The following NAPA variants were observed in gnomAD, a reference collection of about 807,000 sequenced individuals.
The protein encoded by NAPA is NSF attachment protein alpha.
In NAPA, 18 loss-of-function variants were observed where a neutral mutation model predicts 48.0. The observed-to-expected ratio is 0.38, with a 90% CI of 0.26 to 0.56. The LOEUF is 0.56. Ranked by LOEUF, NAPA falls within the 20% of genes least tolerant of loss-of-function variation. The pLI, the probability that NAPA is intolerant of heterozygous loss-of-function variation, is 0.77. For missense variants in NAPA, 315 were observed against 385.0 expected (o/e 0.82, Z 1.52); for synonymous variants, 152 against 149.9 (o/e 1.01, Z -0.10).
chr19:47,503,381 G>T (rs939588112), intron 2 of NAPA, 42 bp downstream of exon 2: 1 of 1,563,984 alleles, frequency 6.4e-7, no homozygotes, highest in African/African-American at 1.4e-5. Flanking sequence ...AGCTGAGGGA[G>T]GAGGAGAGCA....
chr19:47,493,765 G>C lies in NAPA; in HGVS notation c.343-272C>G. ...TAGCCTAATTCCATCCCATCCACGA[G>C]GGCACAGATGGTGTGACACCAGAGA... is the stretch of plus-strand genomic sequence containing the variant. On this transcript the variant is annotated intron_variant, in intron 4 of 10. Transcript: ENST00000263354. This position sits in a 1 kb window ranked among gnomAD's most constrained non-coding sequence, Gnocchi z 6.4. 2.2e-6 allele frequency: 1 copy of C among 461,552 alleles called. No individual in the cohort carries two copies. The highest frequency in any genetic ancestry group is 3.7e-5 in the East Asian group (1 of 27,362). 28.6% of individuals were successfully genotyped at this position (461,552 alleles called of 1,614,324 possible).
intron 4 of NAPA, among the ~76,000 whole-genome samples, chr19:47,494,029 G>C (rs1005555259): frequency 1.3e-5 from 2 of 152,178 alleles, no homozygotes; most frequent in African/African-American, 4.8e-5. Flanking sequence ...GGTTCCAAGG[G>C]GCCTCGCACC....
chr19:47,511,233 T>C (rs1056896071), intron 1 of NAPA, among the ~76,000 whole-genome samples: 1 of 152,156 alleles, frequency 6.6e-6, no homozygotes, highest in African/African-American at 2.4e-5. Flanking sequence ...GGTTATGAAA[T>C]GTTGAACACA....
intron 3 of NAPA, among the ~76,000 whole-genome samples, chr19:47,499,609 A>G (rs969343679): frequency 6.6e-6 from 1 of 152,242 alleles, no homozygotes; most frequent in South Asian, 2.1e-4. Flanking sequence ...AGGCCAACGC[A>G]TGAGATGCCC....
chr19:47,488,425 C>T (rs763339240), intron 10 of NAPA, 36 bp from the exon 11 acceptor site: 73 of 1,551,724 alleles, frequency 4.7e-5, no homozygotes, highest in Non-Finnish European at 6.4e-5. Flanking sequence ...GGCCATGCTC[C>T]CCCCGTTCCC....
chr19:47,496,388 T>C (rs1028788260), intron 3 of NAPA: 3 of 152,662 alleles, frequency 2.0e-5, no homozygotes, highest in African/African-American at 7.2e-5. Context: ...AAGGCTTTTT[T>C]TTGACAAGTT....
chr19:47,502,065 ACT>A (rs1263841873), intron 2 of NAPA, among the ~76,000 whole-genome samples: 1 of 151,580 alleles, frequency 6.6e-6, no homozygotes, highest in African/African-American at 2.4e-5. Flanking sequence ...ACATGGTAAA[ACT>A]CTGTCTCTAC....
intron 3 of NAPA, chr19:47,496,948 A>G: frequency 2.5e-6 from 1 of 407,532 alleles, no homozygotes; most frequent in Non-Finnish European, 5.0e-6. Context: ...TCCAGGTTCT[A>G]GGGCTGACAG....
At chr19:47,503,619 A>AAGGGTG in intron 1 of NAPA, 117 bp from the exon 2 acceptor site, 1 of 953,612 alleles carries the variant, frequency 1.0e-6, no homozygotes, top group Non-Finnish European at 1.6e-6. Flanking sequence ...TTCACCTGTG[A>AAGGGTG]AGCCAGCTTC....
At chr19:47,487,360 G>C (rs530911894), downstream of NAPA, among the ~76,000 whole-genome samples, 1 of 152,200 alleles carries the variant, frequency 6.6e-6, no homozygotes, top group African/African-American at 2.4e-5. Context: ...CATCACCACC[G>C]TGCATCCCAG....
downstream of NAPA, among the ~76,000 whole-genome samples, chr19:47,484,694 C>T (rs1026611059): frequency 2.0e-5 from 3 of 151,256 alleles, no homozygotes; most frequent in African/African-American, 7.3e-5. Context: ...CAAGGTAACT[C>T]CACAGTTCAC....
intron 10 of NAPA, 172 bp downstream of exon 10, chr19:47,489,539 C>T (rs578251537): frequency 5.2e-5 from 37 of 714,366 alleles, no homozygotes; most frequent in East Asian, 3.8e-4. Flanking sequence ...ACACTCCCTG[C>T]GCCTCTTGGC....
intron 3 of NAPA, among the ~76,000 whole-genome samples, chr19:47,498,326 G>A (rs1031746947): frequency 6.6e-6 from 1 of 152,168 alleles, no homozygotes; most frequent in African/African-American, 2.4e-5. Context: ...CCCGGCCAAG[G>A]GCAGAGGCTG....
At chr19:47,508,942 G>A (rs1968747865) in intron 1 of NAPA, among the ~76,000 whole-genome samples, 1 of 151,990 alleles carries the variant, frequency 6.6e-6, no homozygotes, top group African/African-American at 2.4e-5. Context: ...CAGGCATGGT[G>A]GCATATGCCT....
In NAPA at chr19:47,490,613, T is replaced by C. The variant is rs893264276; in HGVS notation, c.735+175A>G. 2.0e-5 allele frequency among the ~76,000 whole-genome samples: 3 copies of C among 151,466 alleles called. No individual in the cohort carries two copies. The Admixed American group carries it at 2.0e-4, about 10-fold the overall frequency. On this transcript the variant is annotated intron_variant, in intron 9 of 10. Transcript: ENST00000263354. The stretch of plus-strand genomic sequence containing the variant: ...AGCTCCAGCACTCCCCGAGTTGTAC[T>C]TTCTTCATCTGGAAAATGGAGACTC...
At position 47,488,342 on chromosome 19, in the gene NAPA, G is replaced by A; in HGVS notation, c.834C>T (p.Thr278=). The change falls in exon 11 of 11, where the codon ACC becomes ACT. Residue 278 remains threonine, a synonymous_variant. Coordinates refer to ENST00000263354, the MANE Select transcript of NAPA (RefSeq NM_003827.4). ...SISRLDQWLT[T]MLLRIKKTIQ... is the part of the protein sequence containing the mutation. ...TGGTCTTCTTGATGCGCAGCAGCAT[G>A]GTGGTGAGCCACTGGTCCAGCCGGG... 1 of 1,613,648 alleles carries A rather than the reference G, an allele frequency of 6.2e-7. No homozygotes were observed. The highest frequency in any genetic ancestry group is 8.5e-7 in the Non-Finnish European group (1 of 1,179,716).
At chr19:47,510,302 A>G (rs1317643200) in intron 1 of NAPA, among the ~76,000 whole-genome samples, 1 of 152,260 alleles carries the variant, frequency 6.6e-6, no homozygotes, top group African/African-American at 2.4e-5. Flanking sequence ...TATTGCCTAC[A>G]GGTAGTTCAA....
At chr19:47,495,305 GT>G (rs1968391896) in intron 4 of NAPA, 1 of 574,956 alleles carries the variant, frequency 1.7e-6, no homozygotes, top group Admixed American at 3.0e-5. Context: ...AATAACCTAA[GT>G]TCTATGAATG....
downstream of NAPA, among the ~76,000 whole-genome samples, chr19:47,486,537 G>A (rs1443038104): frequency 6.6e-6 from 1 of 152,162 alleles, no homozygotes; most frequent in African/African-American, 2.4e-5. Context: ...TTGACCTCAA[G>A]TGATCCGCCT....
Sources: allele counts gnomAD v4.1 joint callset (sites outside exome capture counted in the v4.1 genomes callset), GRCh38; gene constraint gnomAD v4.1.1; non-coding constraint Gnocchi (gnomAD v3.1); transcripts MANE v1.5; gene names NCBI Gene and HGNC (gene_info 2026-07-23, HGNC 2026-07-21).